Variants in PLCB4 observed in about 807,000 individuals in gnomAD.
PLCB4 encodes phospholipase C beta 4.
In PLCB4, 77 loss-of-function variants were observed where a neutral mutation model predicts 178.8. That is an observed-to-expected ratio of 0.43 (90% CI 0.36 to 0.52). The LOEUF is 0.52. PLCB4 is among the 20% of genes least tolerant of loss of function. PLCB4 has a pLI of 0.00. For missense variants in PLCB4, 1,024 were observed against 1,453.4 expected (o/e 0.70, Z 4.80); for synonymous variants, 496 against 490.8 (o/e 1.01, Z -0.14).
chr20:9,151,733 C>T (rs1275567147), intron 2 of PLCB4, among the ~76,000 whole-genome samples: 1 of 152,078 alleles, frequency 6.6e-6, no homozygotes, highest in African/African-American at 2.4e-5. Flanking sequence ...TAGAGTGGGG[C>T]GTTGCTGAAA....
intron 15 of PLCB4, among the ~76,000 whole-genome samples, chr20:9,388,537 G>A (rs1226401642): frequency 6.6e-6 from 1 of 152,152 alleles, no homozygotes; most frequent in African/African-American, 2.4e-5. Flanking sequence ...TGGCCAACAT[G>A]GTGAAACCCT....
intron 2 of PLCB4, among the ~76,000 whole-genome samples, chr20:9,099,456 C>A (rs2091056003): frequency 6.6e-6 from 1 of 152,128 alleles, no homozygotes; most frequent in African/African-American, 2.4e-5. Flanking sequence ...TTAAATTTAA[C>A]CACATATAGT....
intron 4 of PLCB4, among the ~76,000 whole-genome samples, chr20:9,310,769 G>A (rs1432653205): frequency 6.6e-6 from 1 of 152,002 alleles, no homozygotes; most frequent in African/African-American, 2.4e-5. Context: ...TCAGTAGGTG[G>A]GGGAAAAATG....
At chr20:9,172,205 T>A (rs1386191752) in intron 2 of PLCB4, among the ~76,000 whole-genome samples, 1 of 152,174 alleles carries the variant, frequency 6.6e-6, no homozygotes, top group Admixed American at 6.5e-5. Flanking sequence ...TGATCTAGAA[T>A]ATAAGAATTC....
intron 6 of PLCB4, 71 bp downstream of exon 6, chr20:9,338,138 G>A (rs2032719552): frequency 6.0e-6 from 6 of 999,652 alleles, no homozygotes; most frequent in Non-Finnish European, 9.6e-6. Context: ...GGCTTCTAGA[G>A]ATAAAAAACT....
At chr20:9,097,674 C>T (rs1031876777) in intron 2 of PLCB4, among the ~76,000 whole-genome samples, 2 of 152,154 alleles carry the variant, frequency 1.3e-5, no homozygotes, top group Admixed American at 1.3e-4. Context: ...AATGACCATT[C>T]ACCTCCAGCT....
At chr20:9,079,359 C>T (rs755837975) in intron 1 of PLCB4, among the ~76,000 whole-genome samples, 2 of 151,982 alleles carry the variant, frequency 1.3e-5, no homozygotes, top group Non-Finnish European at 2.9e-5. Context: ...CCAGCAGTGA[C>T]GGGGAGTTAG....
chr20:9,159,866 A>T (rs1353333617), intron 2 of PLCB4, among the ~76,000 whole-genome samples: 1 of 152,216 alleles, frequency 6.6e-6, no homozygotes, highest in African/African-American at 2.4e-5. Flanking sequence ...CAAGATATTA[A>T]CTGTGGCTTG....
rs1264352260 is a variant in PLCB4, at chr20:9,081,550, T to C, written c.-135+12344T>C. On this transcript the variant is annotated intron_variant, in intron 1 of 39. Coordinates refer to ENST00000378473, the MANE Select transcript of PLCB4 (RefSeq NM_001377142.1). ...ACAGTTGTCATCTTCCTGTAAAGCC[T>C]TCCTTGATTTCCACTCCAGTCCAGA... 2.0e-5 allele frequency among the ~76,000 whole-genome samples: 3 copies of C among 152,310 alleles called. No homozygotes were observed. The East Asian group carries it at 5.8e-4, about 29-fold the overall frequency.
chr20:9,455,695 A>T (rs915712467), intron 33 of PLCB4, among the ~76,000 whole-genome samples: 63 of 152,196 alleles, frequency 4.1e-4, no homozygotes, highest in Admixed American at 6.5e-4. Context: ...CACTCCTAGC[A>T]GGCTCTTCAC....
chr20:9,344,038 A>C (rs2033532905), intron 7 of PLCB4, among the ~76,000 whole-genome samples: 4 of 152,186 alleles, frequency 2.6e-5, no homozygotes, highest in Admixed American at 2.6e-4. Context: ...GTCTAGTCTA[A>C]AAACAGCAGC....
intron 2 of PLCB4, among the ~76,000 whole-genome samples, chr20:9,215,462 G>T (rs1486916071): frequency 6.6e-6 from 1 of 152,032 alleles, no homozygotes; most frequent in African/African-American, 2.4e-5. Flanking sequence ...GAGTTTTTAT[G>T]TGGATTATAA....
intron 2 of PLCB4, among the ~76,000 whole-genome samples, chr20:9,156,777 A>C (rs6118508): frequency 0.2 from 28,080 of 143,942 alleles, 2,722 homozygotes; most frequent in African/African-American, 0.24. Flanking sequence ...ATCAGCATTA[A>C]TTTTATTGTT....
intron 27 of PLCB4, among the ~76,000 whole-genome samples, chr20:9,423,529 C>G (rs987871138): frequency 2.0e-5 from 3 of 152,174 alleles, no homozygotes; most frequent in African/African-American, 7.2e-5. Context: ...TAACATTTTT[C>G]ACGAGATAAT....
At chr20:9,286,963 A>G (rs949232384) in intron 3 of PLCB4, among the ~76,000 whole-genome samples, 4 of 152,034 alleles carry the variant, frequency 2.6e-5, no homozygotes, top group Non-Finnish European at 5.9e-5. Context: ...GTCAAAGAAT[A>G]CCATATTTAT....
At chr20:9,370,533 CT>C in intron 9 of PLCB4, among the ~76,000 whole-genome samples, 1 of 152,302 alleles carries the variant, frequency 6.6e-6, no homozygotes, top group African/African-American at 2.4e-5. Context: ...TGTTCTAGAG[CT>C]ACTGTCTTAT....
chr20:9,219,485 G>A (rs1399694829), intron 3 of PLCB4, among the ~76,000 whole-genome samples: 3 of 152,048 alleles, frequency 2.0e-5, no homozygotes, highest in Non-Finnish European at 4.4e-5. Context: ...CTTTTACAGA[G>A]GCTTTGGATG....
chr20:9,124,434 C>T (rs1728064603), intron 2 of PLCB4, among the ~76,000 whole-genome samples: 1 of 152,122 alleles, frequency 6.6e-6, no homozygotes, highest in Non-Finnish European at 1.5e-5. Context: ...GAGTTCAGAG[C>T]TGCAGTGAGG....
At chr20:9,476,674 T>G in intron 38 of PLCB4, 43 bp from the exon 39 acceptor site, 1 of 1,376,134 alleles carries the variant, frequency 7.3e-7, no homozygotes, top group Non-Finnish European at 1.0e-6. Flanking sequence ...CTTCGTTTTG[T>G]ATGTATGACT....
Sources: gnomAD v4.1 joint callset for allele counts (sites outside exome capture counted in the v4.1 genomes callset) on GRCh38, gnomAD v4.1.1 for gene constraint, MANE v1.5 for transcripts, NCBI Gene and HGNC (gene_info 2026-07-23, HGNC 2026-07-21) for gene names.